The following FARP1 variants were observed in gnomAD, a reference collection of about 807,000 sequenced individuals.
FARP1 encodes the protein FERM, ARHGEF and pleckstrin domain-containing protein 1.
FARP1 carries 52 observed loss-of-function variants against 128.8 expected under a neutral mutation model. The ratio of observed to expected loss-of-function variants is 0.40; its 90% CI spans 0.32 to 0.51. The LOEUF is 0.51. Ranked by LOEUF, FARP1 falls within the 20% of genes least tolerant of loss-of-function variation. The probability of loss-of-function intolerance (pLI) is 0.45; values close to 1 mark genes in which losing one functional copy is unlikely to be tolerated. For missense variants in FARP1, 1,333 were observed against 1,367.9 expected, an observed-to-expected ratio of 0.97 and a Z score of 0.40; for synonymous variants, 580 against 551.8, an observed-to-expected ratio of 1.05 and a Z score of -0.72.
intron 3 of FARP1, 53 bp from the exon 4 acceptor site, chr13:98,365,342 T>C: frequency 3.7e-6 from 5 of 1,350,470 alleles, no homozygotes; most frequent in Admixed American, 1.8e-5. Context: ...TCAAAATACT[T>C]GCACTCTTTC....
intron 12 of FARP1, 129 bp downstream of exon 12, chr13:98,393,847 A>T (rs1239352772): frequency 1.4e-6 from 1 of 709,242 alleles, no homozygotes; most frequent in Non-Finnish European, 2.5e-6. Flanking sequence ...TGAGAATCTG[A>T]TTATGGGCCT....
At chr13:98,435,095 T>TG (rs1448184958) in intron 18 of FARP1, 1 of 153,164 alleles carries the variant, frequency 6.5e-6, no homozygotes, top group East Asian at 1.9e-4. Context: ...TGGGGTGTGG[T>TG]GGAATGTTAG....
At chr13:98,233,448 G>A (rs1796866538) in intron 2 of FARP1, among the ~76,000 whole-genome samples, 1 of 152,050 alleles carries the variant, frequency 6.6e-6, no homozygotes, top group Admixed American at 6.6e-5. Context: ...TACAGGAGAG[G>A]GGAAAGAACT....
Position 98,304,617 on chromosome 13 carries a change from C to T in FARP1, c.172-39145C>T, listed in dbSNP as rs912647633. ...GATGGGCACAGCCAAGGCGGTGACA[C>T]GAGTTTCTTGCAGGCGGGCAGGTGC... On this transcript the variant is annotated intron_variant, in intron 2 of 26. Transcript: ENST00000319562. Among the ~76,000 whole-genome samples, 4 of 152,298 alleles carry T rather than the reference C, an allele frequency of 2.6e-5. No homozygotes were observed. The South Asian group carries it at 6.2e-4, about 24-fold the overall frequency.
In FARP1 at chr13:98,451,375, A is replaced by G. The variant is rs969203379; in HGVS notation, c.*3058A>G. 7.2e-5 allele frequency: 11 copies of G among 152,204 alleles called. No individual in the cohort carries two copies. Among genetic ancestry groups the G allele is most frequent in the African/African-American group, 2.7e-4 (11 of 41,452 alleles). The allele number at this position is 152,204 out of a possible 1,614,324, so 9.4% of individuals were successfully genotyped here. On this transcript the variant is annotated 3_prime_UTR_variant, in exon 27 of 27. Coordinates refer to ENST00000319562, the MANE Select transcript of FARP1 (RefSeq NM_005766.4). ...ATCTTCTCCAATTTTATTATTCAACATAACATTCTTGTATGGAGTAATGAG... is the reference window on the plus strand; with the variant it reads ...ATCTTCTCCAATTTTATTATTCAACGTAACATTCTTGTATGGAGTAATGAG...
chr13:98,446,761 G>A lies in FARP1; in HGVS notation c.3000G>A (p.Leu1000=), dbSNP rs1305197804. 4 of 1,614,126 alleles carry A rather than the reference G, an allele frequency of 2.5e-6. No individual in the cohort carries two copies. The highest frequency in any genetic ancestry group is 3.4e-6 in the Non-Finnish European group (4 of 1,180,012). The change falls in exon 26 of 27, where the codon CTG becomes CTA. Residue 1000 remains leucine, a synonymous_variant. Transcript: ENST00000319562. ...ENIQKDYVFK[L]HFKSHVYYFR... Reference sequence around the variant, plus strand: ...TCCAGAAAGACTACGTGTTCAAGCTGCACTTCAAGTCCCACGTCTACTACT... The same window carrying A: ...TCCAGAAAGACTACGTGTTCAAGCTACACTTCAAGTCCCACGTCTACTACT...
chr13:98,170,741 C>G (rs1877597248), intron 1 of FARP1, among the ~76,000 whole-genome samples: 2 of 152,284 alleles, frequency 1.3e-5, no homozygotes, highest in Non-Finnish European at 1.5e-5. Flanking sequence ...ATCTGCCCAC[C>G]TCGGCCTCCC....
At chr13:98,158,279 A>T (rs375767401) in intron 1 of FARP1, among the ~76,000 whole-genome samples, 28 of 152,312 alleles carry the variant, frequency 1.8e-4, no homozygotes, top group African/African-American at 5.8e-4. Context: ...TCCCCTGTGG[A>T]TTAAGCTAAG....
intron 24 of FARP1, 108 bp downstream of exon 24, chr13:98,440,944 C>T (rs1431836932): frequency 1.8e-6 from 2 of 1,128,114 alleles, no homozygotes; most frequent in Non-Finnish European, 2.5e-6. Flanking sequence ...GTGGGTGGCC[C>T]CACCTACCCG....
intron 3 of FARP1, among the ~76,000 whole-genome samples, chr13:98,349,668 C>G (rs1354096761): frequency 1.1e-5 from 1 of 90,380 alleles, no homozygotes; most frequent in African/African-American, 4.9e-5. Context: ...AGACCCATCT[C>G]AGGGAAAAAA....
intron 11 of FARP1, 64 bp from the exon 12 acceptor site, chr13:98,393,579 A>G: frequency 1.5e-6 from 2 of 1,330,094 alleles, no homozygotes; most frequent in East Asian, 2.3e-5. Flanking sequence ...TGTTTCATTT[A>G]AAACCAAGGA....
chr13:98,323,937 C>A (rs907875233), intron 2 of FARP1, among the ~76,000 whole-genome samples: 1 of 152,066 alleles, frequency 6.6e-6, no homozygotes, highest in Admixed American at 6.6e-5. Flanking sequence ...ACTCAAGAAC[C>A]AGAATTGAAT....
chr13:98,267,480 G>A (rs1412023540), intron 2 of FARP1, among the ~76,000 whole-genome samples: 5 of 152,132 alleles, frequency 3.3e-5, no homozygotes, highest in African/African-American at 7.2e-5. Flanking sequence ...GGTTGCAGAC[G>A]CTCCCACCCC....
rs552075688 is a variant in FARP1 at position 98,146,416 on chromosome 13, C to T, written c.-24+2924C>T. Among the ~76,000 whole-genome samples the T allele has an allele frequency of 1.2e-3, 190 of 152,248 alleles. 1 individual carries two copies. The highest frequency in any genetic ancestry group is 1.7e-3 in the Non-Finnish European group (113 of 68,006). ...ACTAATTTTCTGTTTTTAGTAGAGACGGGGTTTCTCCATGTTGGTCAGGCT... is the reference window on the plus strand; with the variant it reads ...ACTAATTTTCTGTTTTTAGTAGAGATGGGGTTTCTCCATGTTGGTCAGGCT... On this transcript the variant is annotated intron_variant, in intron 1 of 26. Coordinates refer to ENST00000319562, the MANE Select transcript of FARP1 (RefSeq NM_005766.4).
chr13:98,243,277 G>T (rs190307541), intron 2 of FARP1, among the ~76,000 whole-genome samples: 1 of 152,276 alleles, frequency 6.6e-6, no homozygotes, highest in African/African-American at 2.4e-5. Flanking sequence ...TCCTTTGACT[G>T]TCTCAGATAT....
intron 2 of FARP1, among the ~76,000 whole-genome samples, chr13:98,277,119 CA>C (rs1884691485): frequency 7.0e-6 from 1 of 142,856 alleles, no homozygotes; most frequent in Non-Finnish European, 1.6e-5. Context: ...TACACACACA[CA>C]CACACACACA....
chr13:98,436,233 C>A, intron 19 of FARP1: 1 of 197,828 alleles, frequency 5.1e-6, no homozygotes, highest in Non-Finnish European at 1.0e-5. Context: ...ACACTGTCGC[C>A]TACCCCTCCC....
intron 1 of FARP1, among the ~76,000 whole-genome samples, chr13:98,190,900 T>C (rs557065963): frequency 6.6e-6 from 1 of 152,148 alleles, no homozygotes; most frequent in Admixed American, 6.5e-5. Flanking sequence ...TTTTCTTTTT[T>C]AAAATAAAAA....
chr13:98,294,301 G>A (rs1451215359), intron 2 of FARP1, among the ~76,000 whole-genome samples: 3 of 152,096 alleles, frequency 2.0e-5, no homozygotes, highest in Non-Finnish European at 2.9e-5. Context: ...GCAGGTTATG[G>A]GATGCCATGA....
Sources: gnomAD v4.1 joint callset for allele counts (sites outside exome capture counted in the v4.1 genomes callset) on GRCh38, gnomAD v4.1.1 for gene constraint, MANE v1.5 for transcripts, NCBI Gene and HGNC (gene_info 2026-07-23, HGNC 2026-07-21) for gene names.